The following TSPEAR variants were observed in gnomAD, a reference collection of about 807,000 sequenced individuals.
TSPEAR encodes the protein thrombospondin-type laminin G domain and EAR repeat-containing protein.
In TSPEAR, 69 loss-of-function variants were observed where a neutral mutation model predicts 71.6. That is an observed-to-expected ratio of 0.96 (90% CI 0.79 to 1.18). The LOEUF is 1.18. Among genes scored for constraint, TSPEAR ranks in the 50% most tolerant of loss-of-function variants. The pLI, the probability that TSPEAR is intolerant of heterozygous loss-of-function variation, is 0.00. For synonymous variants in TSPEAR, 402 were observed against 387.2 expected (o/e 1.04, Z -0.45); for missense variants, 971 against 894.9 (o/e 1.09, Z -1.09).
At chr21:44,601,106 AG>A (rs782795349) in intron 1 of TSPEAR, 3 of 1,604,410 alleles carry the variant, frequency 1.9e-6, no homozygotes, top group African/African-American at 2.9e-5. Context: ...ATCTGCTGCA[AG>A]CCTGTCTGCT....
rs1031851224 is a variant in TSPEAR at position 44,540,249 on chromosome 21, C to A, written c.304-6326G>T. The A allele has an allele frequency of 3.6e-5, 56 of 1,538,910 alleles. 1 individual carries two copies. The African/African-American group carries it at 5.3e-4, about 15-fold the overall frequency. On this transcript the variant is annotated intron_variant, in intron 2 of 11. Transcript: ENST00000323084. ...CTGAGTGTGTGAGTGAGTGTGTGAG[C>A]TTCGTGGGGCTCTGCTTTTATACCC...
chr21:44,577,221 A>T (rs1555924089), intron 1 of TSPEAR, among the ~76,000 whole-genome samples: 1 of 152,238 alleles, frequency 6.6e-6, no homozygotes, highest in African/African-American at 2.4e-5. Flanking sequence ...CAGCTTAAGA[A>T]GCTAAAGAAG....
chr21:44,628,221 C>T (rs112351109), intron 1 of TSPEAR: 73 of 701,692 alleles, frequency 1.0e-4, no homozygotes, highest in Non-Finnish European at 1.3e-4. Context: ...ACCTCCCCCC[C>T]GGGCAGGCGA....
intron 1 of TSPEAR, among the ~76,000 whole-genome samples, chr21:44,622,453 A>G (rs2146194256): frequency 6.6e-6 from 1 of 152,278 alleles, no homozygotes; most frequent in East Asian, 1.9e-4. Context: ...GAAATTTATT[A>G]TCTCGCAGTT....
chr21:44,678,451 A>T (rs1306867784), intron 1 of TSPEAR, among the ~76,000 whole-genome samples: 1 of 152,036 alleles, frequency 6.6e-6, no homozygotes, highest in Non-Finnish European at 1.5e-5. Context: ...CCATGACTGT[A>T]AGCTTCCTGA....
chr21:44,551,140 G>A (rs478967), intron 2 of TSPEAR: 1 of 1,612,152 alleles, frequency 6.2e-7, no homozygotes, highest in South Asian at 1.1e-5. Flanking sequence ...CAGCACACAG[G>A]CTTGCAGCAG....
intron 9 of TSPEAR, among the ~76,000 whole-genome samples, chr21:44,515,333 A>C (rs1188518573): frequency 6.6e-6 from 1 of 152,234 alleles, no homozygotes; most frequent in Non-Finnish European, 1.5e-5. Context: ...GCGCCTTCCC[A>C]GGGCCCTCCT....
chr21:44,634,447 C>A (rs1160880950), intron 1 of TSPEAR, among the ~76,000 whole-genome samples: 1 of 152,034 alleles, frequency 6.6e-6, no homozygotes, highest in Non-Finnish European at 1.5e-5. Flanking sequence ...AGATATGACA[C>A]CAGAAGCATA....
At chr21:44,622,851 G>A (rs1555933726) in intron 1 of TSPEAR, among the ~76,000 whole-genome samples, 1 of 152,148 alleles carries the variant, frequency 6.6e-6, no homozygotes, top group Non-Finnish European at 1.5e-5. Flanking sequence ...TGTTGGAGGT[G>A]GGGCCTTGGG....
chr21:44,507,943 G>A (rs1555912131), intron 10 of TSPEAR: 8 of 152,026 alleles, frequency 5.3e-5, no homozygotes, highest in Non-Finnish European at 1.2e-4. Context: ...CACCGCCGCT[G>A]GCTCTTTTTC....
At chr21:44,697,008 C>G (rs937751077) in intron 1 of TSPEAR, among the ~76,000 whole-genome samples, 3 of 139,236 alleles carry the variant, frequency 2.2e-5, no homozygotes, top group Non-Finnish European at 4.8e-5. Context: ...CTCCCTCCTT[C>G]CCATCCAGCA....
chr21:44,580,547 C>T lies in TSPEAR; in HGVS notation c.83-12542G>A, dbSNP rs587598292. On this transcript the variant is annotated intron_variant, in intron 1 of 11. Transcript: ENST00000323084. ...CACTCGCCAGGAGTCAGAGCAAGCG[C>T]TGGAGCAGACGGACATGGTGCACGC... The T allele has an allele frequency of 3.7e-6, 6 of 1,613,486 alleles. No homozygotes were observed. In the South Asian group the frequency reaches 5.5e-5, roughly 15 times the overall value.
intron 1 of TSPEAR, among the ~76,000 whole-genome samples, chr21:44,578,195 G>T (rs1473154859): frequency 1.3e-5 from 2 of 152,012 alleles, no homozygotes; most frequent in African/African-American, 4.8e-5. Flanking sequence ...CATCAGGAAT[G>T]AATAAAAGGT....
chr21:44,628,419 G>A (rs9982138), intron 1 of TSPEAR: 190,461 of 295,390 alleles, frequency 0.64, 62,293 homozygotes, highest in Admixed American at 0.7. Flanking sequence ...GGCGGGAGGG[G>A]GCAGAGTGGG....
At chr21:44,682,675 C>T (rs1601561891) in intron 1 of TSPEAR, among the ~76,000 whole-genome samples, 1 of 152,232 alleles carries the variant, frequency 6.6e-6, no homozygotes, top group Non-Finnish European at 1.5e-5. Context: ...GCAGACTGTG[C>T]TTCCTGAGAG....
chr21:44,524,363 G>A (rs587694106), intron 8 of TSPEAR, among the ~76,000 whole-genome samples: 3 of 152,034 alleles, frequency 2.0e-5, no homozygotes, highest in South Asian at 2.1e-4. Context: ...AGCCAGTCAG[G>A]TAGCTAGTCA....
chr21:44,576,267 T>A (rs1555923970), intron 1 of TSPEAR, among the ~76,000 whole-genome samples: 2 of 147,364 alleles, frequency 1.4e-5, no homozygotes. Flanking sequence ...AGGGAGTGCA[T>A]AACTCATGGG....
At chr21:44,609,831 C>T (rs1207404518) in intron 1 of TSPEAR, among the ~76,000 whole-genome samples, 4 of 152,110 alleles carry the variant, frequency 2.6e-5, no homozygotes, top group Non-Finnish European at 5.9e-5. Context: ...ACTGATGTAA[C>T]CAAATATTGA....
chr21:44,652,200 G>T (rs9977319), intron 1 of TSPEAR, among the ~76,000 whole-genome samples: 16 of 152,118 alleles, frequency 1.1e-4, no homozygotes, highest in African/African-American at 3.6e-4. Flanking sequence ...AGCCAGGATG[G>T]TCTCGATCTC....
Sources: allele counts gnomAD v4.1 joint callset (sites outside exome capture counted in the v4.1 genomes callset), GRCh38; gene constraint gnomAD v4.1.1; transcripts MANE v1.5; gene names NCBI Gene and HGNC (gene_info 2026-07-23, HGNC 2026-07-21).